The following PTPRJ variants were observed in gnomAD, a reference collection of about 807,000 sequenced individuals.
PTPRJ encodes the protein receptor-type tyrosine-protein phosphatase eta.
PTPRJ carries 129 observed loss-of-function variants against 141.3 expected under a neutral mutation model. That is an observed-to-expected ratio of 0.91 (90% confidence interval 0.79 to 1.06). The LOEUF (loss-of-function observed/expected upper bound fraction) is 1.06, where lower values mean the gene tolerates loss of function less well. Ranked by LOEUF, PTPRJ falls within the 50% of genes least tolerant of loss-of-function variation. The pLI is 0.00. For synonymous variants in PTPRJ, 610 were observed against 640.5 expected, an observed-to-expected ratio of 0.95 and a Z score of 0.72; for missense variants, 1,601 against 1,679.7, an observed-to-expected ratio of 0.95 and a Z score of 0.82.
chr11:48,125,112 G>C lies in PTPRJ; in HGVS notation c.1019G>C (p.Arg340Pro), dbSNP rs760959555. 1.2e-6 allele frequency: 2 copies of C among 1,614,030 alleles called. No individual in the cohort carries two copies. Among genetic ancestry groups the C allele is most frequent in the Non-Finnish European group, 1.7e-6 (2 of 1,180,008 alleles). Reference sequence around the variant, plus strand: ...CTTGTCGGGTTAGAGCCTGGCACCCGATACAATGCCACCGTTTATTCCCAA... The same window carrying C: ...CTTGTCGGGTTAGAGCCTGGCACCCCATACAATGCCACCGTTTATTCCCAA... ...VLLVGLEPGTRYNATVYSQAA... is the reference protein window; with the variant it reads ...VLLVGLEPGTPYNATVYSQAA... The change falls in exon 6 of 25, where the codon CGA (arginine) becomes CCA (proline). Residue 340 changes from arginine (R) to proline (P), a missense_variant. Physicochemically the swap from Arg to Pro is moderately radical, Grantham distance 103. Coordinates refer to ENST00000418331, the MANE Select transcript of PTPRJ (RefSeq NM_002843.4).
intron 22 of PTPRJ, 148 bp downstream of exon 22, chr11:48,160,197 A>G (rs1857732739): frequency 1.8e-6 from 2 of 1,113,560 alleles, no homozygotes; most frequent in East Asian, 2.5e-5. Context: ...AACAATCCAT[A>G]TGCATGTATA....
chr11:47,996,548 A>G lies in PTPRJ; in HGVS notation c.96+15540A>G, dbSNP rs115352074. Among the ~76,000 whole-genome samples, 954 of 152,252 alleles carry G rather than the reference A, an allele frequency of 6.3e-3. 14 individuals are homozygous for G. The highest frequency in any genetic ancestry group is 0.021 in the African/African-American group (884 of 41,556). On this transcript the variant is annotated intron_variant, in intron 1 of 24. Coordinates refer to ENST00000418331, the MANE Select transcript of PTPRJ (RefSeq NM_002843.4). ...GTAGCAACAACCAGGCCATTTTGTT[A>G]CTAGGTTTAAGTGAGGGAAGGCATG...
At chr11:48,020,379 C>T (rs759785066) in intron 1 of PTPRJ, among the ~76,000 whole-genome samples, 16 of 152,128 alleles carry the variant, frequency 1.1e-4, no homozygotes, top group African/African-American at 2.7e-4. Context: ...TGGTGGAGGG[C>T]GTTGGCATAG....
chr11:48,125,254 C>G, intron 6 of PTPRJ, 68 bp downstream of exon 6: 1 of 1,533,534 alleles, frequency 6.5e-7, no homozygotes, highest in Non-Finnish European at 9.0e-7. Context: ...TCCTGTGATT[C>G]TGATTCTGAG....
At chr11:48,105,358 G>A (rs1856261470) in intron 1 of PTPRJ, among the ~76,000 whole-genome samples, 1 of 152,210 alleles carries the variant, frequency 6.6e-6, no homozygotes, top group African/African-American at 2.4e-5. Context: ...GCCACAATTA[G>A]CAGCATGGAC....
At chr11:48,092,516 G>A (rs1032773985) in intron 1 of PTPRJ, among the ~76,000 whole-genome samples, 3 of 151,552 alleles carry the variant, frequency 2.0e-5, no homozygotes, top group African/African-American at 7.3e-5. Context: ...TGCAACTTCT[G>A]CCTCTTGGGC....
At position 48,170,127 on chromosome 11, in the gene PTPRJ, CT is replaced by C. The variant is rs1278862000; in HGVS notation, c.*2766del. 4 of 152,140 alleles carry C rather than the reference CT, an allele frequency of 2.6e-5. No homozygotes were observed. Among genetic ancestry groups the C allele is most frequent in the Admixed American group, 1.3e-4 (2 of 15,272 alleles). The allele number at this position is 152,140 out of a possible 1,614,324, so 9.4% of individuals were successfully genotyped here. ...AATCGGGGGGATGGTGTGAGCACCC[CT>C]GTTCAGTCTTTGACAATTGCATACA... is the stretch of plus-strand genomic sequence containing the variant. On this transcript the variant is annotated 3_prime_UTR_variant, in exon 25 of 25. Transcript: ENST00000418331.
intron 1 of PTPRJ, among the ~76,000 whole-genome samples, chr11:48,096,004 G>A (rs1177217995): frequency 2.6e-5 from 4 of 152,212 alleles, no homozygotes; most frequent in Non-Finnish European, 5.9e-5. Context: ...GCTCACCCAT[G>A]GCATTCAGCT....
At chr11:48,041,768 G>A (rs942909252) in intron 1 of PTPRJ, among the ~76,000 whole-genome samples, 1 of 152,138 alleles carries the variant, frequency 6.6e-6, no homozygotes, top group East Asian at 1.9e-4. Flanking sequence ...GGGACCACAG[G>A]CACGTGCCAC....
chr11:48,147,389 T>G (rs182163497), intron 15 of PTPRJ, among the ~76,000 whole-genome samples: 126 of 152,304 alleles, frequency 8.3e-4, no homozygotes, highest in Middle Eastern at 3.4e-3. Flanking sequence ...CTGAGGAGGA[T>G]TGAATAAATA....
In PTPRJ at chr11:48,139,773, A is replaced by C; in HGVS notation, c.2440A>C (p.Thr814Pro). 2.5e-6 allele frequency: 4 copies of C among 1,613,732 alleles called. No homozygotes were observed. The highest frequency in any genetic ancestry group is 3.4e-6 in the Non-Finnish European group (4 of 1,179,964). Residue 814 changes from threonine (T) to proline (P), a missense_variant, in exon 11 of 25, where the codon ACA becomes CCA. By Grantham distance (38) the Thr-to-Pro change is conservative. Transcript: ENST00000418331. ...PTRNTCTTGI[T>P]DPPPPDGSPN... The stretch of plus-strand genomic sequence containing the variant: ...CCGGAACACCTGCACTACTGGCATC[A>C]CAGGTGGGCTACAAGGCAGGGGCTG...
chr11:47,983,185 AT>A (rs35373855), intron 1 of PTPRJ, among the ~76,000 whole-genome samples: 6,976 of 147,398 alleles, frequency 0.047, 149 homozygotes, highest in Middle Eastern at 0.068. Flanking sequence ...TCAAAGTGCT[AT>A]TTTTTTTTTT....
intron 12 of PTPRJ, among the ~76,000 whole-genome samples, chr11:48,143,799 C>G (rs1188943708): frequency 8.0e-6 from 1 of 124,956 alleles, no homozygotes; most frequent in Non-Finnish European, 1.7e-5. Context: ...CTCCCCCTCC[C>G]CTCTCCTCCT....
chr11:48,069,326 C>T (rs1855171806), intron 1 of PTPRJ, among the ~76,000 whole-genome samples: 1 of 151,838 alleles, frequency 6.6e-6, no homozygotes, highest in Admixed American at 6.6e-5. Flanking sequence ...TCTTGAACTC[C>T]TGACCTCAAG....
At chr11:48,066,088 G>A (rs1350251477) in intron 1 of PTPRJ, among the ~76,000 whole-genome samples, 1 of 152,196 alleles carries the variant, frequency 6.6e-6, no homozygotes, top group Non-Finnish European at 1.5e-5. Flanking sequence ...TGAGACTGCA[G>A]TGAGCTCTAT....
intron 6 of PTPRJ, among the ~76,000 whole-genome samples, chr11:48,126,556 CCTCTTCCAGGTTGCAGA>C (rs1856836047): frequency 6.6e-6 from 1 of 152,026 alleles, no homozygotes; most frequent in African/African-American, 2.4e-5. Flanking sequence ...ACACCCTCTT[CCTCTTCCAGGTTGCAGA>C]CTCCCTGGGT....
intron 4 of PTPRJ, among the ~76,000 whole-genome samples, chr11:48,123,136 G>T (rs1299596021): frequency 6.6e-6 from 1 of 152,234 alleles, no homozygotes; most frequent in Non-Finnish European, 1.5e-5. Context: ...CTGGGATATT[G>T]AATGTGCTGC....
At chr11:48,116,037 A>G (rs951844399) in intron 3 of PTPRJ, among the ~76,000 whole-genome samples, 1 of 152,200 alleles carries the variant, frequency 6.6e-6, no homozygotes, top group African/African-American at 2.4e-5. Flanking sequence ...CTATAAAACA[A>G]CCAAATGGCA....
chr11:48,016,805 T>C (rs1854960078), intron 1 of PTPRJ, among the ~76,000 whole-genome samples: 1 of 152,182 alleles, frequency 6.6e-6, no homozygotes, highest in South Asian at 2.1e-4. Context: ...ATAGTGAACA[T>C]TTAAGGAACA....
Sources: allele counts gnomAD v4.1 joint callset (sites outside exome capture counted in the v4.1 genomes callset), GRCh38; gene constraint gnomAD v4.1.1; transcripts MANE v1.5; gene names NCBI Gene and HGNC (gene_info 2026-07-23, HGNC 2026-07-21).